Variants in PTBP3 observed in about 807,000 individuals in gnomAD.
The protein encoded by PTBP3 is polypyrimidine tract binding protein 3, also known as polypyrimidine tract-binding protein 3.
In PTBP3, 20 loss-of-function variants were observed where a neutral mutation model predicts 58.7. That is an observed-to-expected ratio of 0.34 (90% CI 0.24 to 0.50). The LOEUF (loss-of-function observed/expected upper bound fraction) is 0.50, where lower values mean the gene tolerates loss of function less well. Among genes scored for constraint, PTBP3 ranks in the 20% least tolerant of loss-of-function variants. PTBP3 has a pLI of 0.98. For synonymous variants in PTBP3, 185 were observed against 219.8 expected, an observed-to-expected ratio of 0.84 and a Z score of 1.40; for missense variants, 509 against 637.2, an observed-to-expected ratio of 0.80 and a Z score of 2.17.
intron 5 of PTBP3, among the ~76,000 whole-genome samples, chr9:112,257,716 G>C (rs978771088): frequency 2.6e-4 from 40 of 152,164 alleles, no homozygotes; most frequent in African/African-American, 9.4e-4. Flanking sequence ...AAGGTGGGCA[G>C]ATCACCTGAG....
At position 112,316,240 on chromosome 9, in the gene PTBP3, G is replaced by A. The variant is rs76012902; in HGVS notation, c.-52+17230C>T. Among the ~76,000 whole-genome samples the A allele has an allele frequency of 3.9e-5, 6 of 152,306 alleles. No homozygotes were observed. In the East Asian group the frequency reaches 1.2e-3, roughly 29 times the overall value. ...AATTCTCTCTCCTAAAGTATAGGTT[G>A]CACCTAGAGACTCGCTTCTACTGAA... On this transcript the variant is annotated intron_variant, in intron 1 of 13. Transcript: ENST00000374257.
At chr9:112,258,541 C>G (rs1836465858) in intron 5 of PTBP3, among the ~76,000 whole-genome samples, 2 of 152,074 alleles carry the variant, frequency 1.3e-5, no homozygotes, top group South Asian at 4.1e-4. Context: ...ACCCCTGCCC[C>G]AAATCTTTTT....
the PTBP3 span, among the ~76,000 whole-genome samples, chr9:112,346,386 C>T: frequency 7.3e-5 from 11 of 150,830 alleles, no homozygotes; most frequent in South Asian, 2.1e-4. Context: ...AGGTGAGTCT[C>T]GAACTCCTGA....
At chr9:112,286,040 C>T (rs1828100652) in intron 2 of PTBP3, among the ~76,000 whole-genome samples, 1 of 152,210 alleles carries the variant, frequency 6.6e-6, no homozygotes, top group East Asian at 1.9e-4. Flanking sequence ...AAATTGACCT[C>T]TTTATCATTA....
intron 2 of PTBP3, among the ~76,000 whole-genome samples, chr9:112,285,029 T>A (rs1828049145): frequency 1.2e-5 from 1 of 83,838 alleles, no homozygotes; most frequent in Admixed American, 1.4e-4. Flanking sequence ...GGAAAAAGGA[T>A]GTGAAATTTG....
At chr9:112,333,015 T>C in intron 1 of PTBP3, 1 of 1,271,454 alleles carries the variant, frequency 7.9e-7, no homozygotes, top group Non-Finnish European at 9.9e-7. Context: ...CGTCGGCCGC[T>C]CGCCCCACCT....
the PTBP3 span, among the ~76,000 whole-genome samples, chr9:112,342,716 A>G: frequency 4.6e-5 from 7 of 150,904 alleles, no homozygotes; most frequent in African/African-American, 1.5e-4. Flanking sequence ...ACTCCGTCTC[A>G]AGAAAGAAAA....
At chr9:112,373,403 T>C in the PTBP3 span, among the ~76,000 whole-genome samples, 1 of 152,196 alleles carries the variant, frequency 6.6e-6, no homozygotes, top group South Asian at 2.1e-4. Context: ...TTCTGCCTGC[T>C]TTGTATTCAC....
the PTBP3 span, among the ~76,000 whole-genome samples, chr9:112,355,321 T>A: frequency 6.6e-6 from 1 of 152,152 alleles, no homozygotes; most frequent in Non-Finnish European, 1.5e-5. Context: ...CAAGGGGCAA[T>A]AGTAGGGATC....
chr9:112,265,277 T>G (rs996134157), intron 4 of PTBP3, among the ~76,000 whole-genome samples: 3 of 150,920 alleles, frequency 2.0e-5, no homozygotes, highest in African/African-American at 7.3e-5. Context: ...CAGAGGCGGG[T>G]GGATCACCTG....
chr9:112,242,517 G>A (rs2132033521), intron 7 of PTBP3: 1 of 152,188 alleles, frequency 6.6e-6, no homozygotes, highest in Middle Eastern at 3.4e-3. Flanking sequence ...TCTTCTTCTG[G>A]AAATTTTATA....
At chr9:112,348,289 G>T in the PTBP3 span, among the ~76,000 whole-genome samples, 8 of 152,210 alleles carry the variant, frequency 5.3e-5, no homozygotes, top group Admixed American at 1.3e-4. Flanking sequence ...CGCAGCCAGC[G>T]CCAGGAAAAG....
At chr9:112,366,392 A>C in the PTBP3 span, among the ~76,000 whole-genome samples, 1 of 152,116 alleles carries the variant, frequency 6.6e-6, no homozygotes, top group African/African-American at 2.4e-5. Flanking sequence ...CTCCCATCAC[A>C]GGAGGAAAAA....
chr9:112,285,048 C>T (rs368015556), intron 2 of PTBP3, among the ~76,000 whole-genome samples: 1 of 152,020 alleles, frequency 6.6e-6, no homozygotes, highest in East Asian at 1.9e-4. Flanking sequence ...TGGGAGGGGC[C>T]GGGGCAGAAT....
chr9:112,320,294 ATATATAT>A (rs1829877356), intron 1 of PTBP3, among the ~76,000 whole-genome samples: 2 of 45,346 alleles, frequency 4.4e-5, no homozygotes, highest in East Asian at 8.7e-4. Context: ...AAAAAAAAAT[ATATATAT>A]ATATATATAT....
chr9:112,275,793 TACTA>T, intron 3 of PTBP3, 47 bp downstream of exon 3: 1 of 1,429,988 alleles, frequency 7.0e-7, no homozygotes, highest in Admixed American at 2.0e-5. Flanking sequence ...TTATCAGTAA[TACTA>T]ACATCTGGAG....
intron 1 of PTBP3, among the ~76,000 whole-genome samples, chr9:112,305,175 T>C (rs1360996321): frequency 6.6e-6 from 1 of 152,204 alleles, no homozygotes; most frequent in African/African-American, 2.4e-5. Context: ...GTAAAAAACT[T>C]ACCTTGTCCA....
intron 7 of PTBP3, among the ~76,000 whole-genome samples, chr9:112,241,479 C>T (rs1454923125): frequency 6.6e-6 from 1 of 152,146 alleles, no homozygotes; most frequent in Admixed American, 6.5e-5. Context: ...AGGAAGTGCC[C>T]TATACAGGTG....
rs934296229 is a variant in PTBP3, at chr9:112,220,826, G to T, written c.*3025C>A. ...AAAGTCCTGAATATATATACTTTGT[G>T]TAGAAGTCAAGACACCTTGAAAAGT... On this transcript the variant is annotated 3_prime_UTR_variant, in exon 14 of 14. Transcript: ENST00000374257. The T allele has an allele frequency of 1.0e-6, 1 of 973,494 alleles. No individual in the cohort carries two copies. Among genetic ancestry groups the T allele is most frequent in the Admixed American group, 6.2e-5 (1 of 16,232 alleles). The allele number at this position is 973,494 out of a possible 1,614,324, so 60.3% of individuals were successfully genotyped here. A position where few individuals can be genotyped will look rare whatever the true frequency, so the allele number is the denominator to read the frequency against.
Sources: allele counts gnomAD v4.1 joint callset (sites outside exome capture counted in the v4.1 genomes callset), GRCh38; gene constraint gnomAD v4.1.1; transcripts MANE v1.5; gene names NCBI Gene and HGNC (gene_info 2026-07-23, HGNC 2026-07-21).